The following SLC15A4 variants were observed in gnomAD, a reference collection of about 807,000 sequenced individuals.
SLC15A4 encodes the protein solute carrier family 15 member 4, also known as hPHT1.
Under a neutral mutation model 46.1 loss-of-function variants are expected in SLC15A4, and 26 were observed. The ratio of observed to expected loss-of-function variants is 0.56; its 90% CI spans 0.41 to 0.78. SLC15A4 has a LOEUF of 0.78. Among genes scored for constraint, SLC15A4 ranks in the 30% least tolerant of loss-of-function variants. SLC15A4 has a pLI of 0.00. For missense variants in SLC15A4, 751 were observed against 755.7 expected (o/e 0.99, Z 0.07); for synonymous variants, 370 against 333.4 (o/e 1.11, Z -1.20).
intron 5 of SLC15A4, among the ~76,000 whole-genome samples, chr12:128,807,282 A>G (rs1255633226): frequency 6.6e-6 from 1 of 152,182 alleles, no homozygotes; most frequent in Non-Finnish European, 1.5e-5. Flanking sequence ...TGTATCCTGC[A>G]CAAACACATA....
chr12:128,797,160 C>G (rs1955455471), intron 7 of SLC15A4, among the ~76,000 whole-genome samples: 1 of 152,278 alleles, frequency 6.6e-6, no homozygotes, highest in South Asian at 2.1e-4. Context: ...CCCAGGCTCA[C>G]AGGCAGGGCA....
At chr12:128,822,544 TA>T (rs1955860721) in intron 1 of SLC15A4, among the ~76,000 whole-genome samples, 1 of 152,150 alleles carries the variant, frequency 6.6e-6, no homozygotes, top group African/African-American at 2.4e-5. Flanking sequence ...ATTTATTTTT[TA>T]TTTATTTATT....
At chr12:128,820,640 CCGTA>C (rs1381033024) in intron 1 of SLC15A4, among the ~76,000 whole-genome samples, 2 of 122,336 alleles carry the variant, frequency 1.6e-5, no homozygotes. Flanking sequence ...AAAATGGGCA[CCGTA>C]CGTGTCATGT....
chr12:128,823,648 C>T lies in SLC15A4; in HGVS notation c.296G>A (p.Arg99Gln), dbSNP rs1191852269. 18 of 1,489,280 alleles carry T rather than the reference C, an allele frequency of 1.2e-5. No homozygotes were observed. Among genetic ancestry groups the T allele is most frequent in the Non-Finnish European group, 1.6e-5 (18 of 1,124,642 alleles). 92.3% of individuals were successfully genotyped at this position (1,489,280 alleles called of 1,614,324 possible). A position where few individuals can be genotyped will look rare whatever the true frequency, so the allele number is the denominator to read the frequency against. The change falls in exon 1 of 8, where the codon CGG becomes CAG. Residue 99 changes from arginine (R) to glutamine (Q), a missense_variant. Coordinates refer to ENST00000266771, the MANE Select transcript of SLC15A4 (RefSeq NM_145648.4). Reference protein sequence around the residue: ...SPFGGWLADARLGRARAILLS... With the variant: ...SPFGGWLADAQLGRARAILLS... Reference sequence around the variant, plus strand: ...CAGGATGGCGCGCGCCCGGCCCAGCCGCGCGTCGGCCAGCCAGCCTCCGAA... The same window carrying T: ...CAGGATGGCGCGCGCCCGGCCCAGCTGCGCGTCGGCCAGCCAGCCTCCGAA...
chr12:128,823,487 A>C lies in SLC15A4; in HGVS notation c.457T>G (p.Cys153Gly). The change falls in exon 1 of 8, where the codon TGC becomes GGC. Residue 153 changes from cysteine (C) to glycine (G), a missense_variant. Cys to Gly is a radical substitution (Grantham distance 159). Coordinates refer to ENST00000266771, the MANE Select transcript of SLC15A4 (RefSeq NM_145648.4). ...AGCCCCGCGAAGGTGGCCGGTGAGC[A>C]GCAGCGGGCGGCGGCGTCGGGACCA... is the stretch of plus-strand genomic sequence containing the variant. Reference protein sequence around the residue: ...APGPDAAARCCSPATFAGLVL... With the variant: ...APGPDAAARCGSPATFAGLVL... 6.7e-7 allele frequency: 1 copy of C among 1,485,352 alleles called. No individual in the cohort carries two copies. The highest frequency in any genetic ancestry group is 8.9e-7 in the Non-Finnish European group (1 of 1,124,908). 92.0% of individuals were successfully genotyped at this position (1,485,352 alleles called of 1,614,324 possible).
At chr12:128,823,130 GC>G (rs1172995601) in intron 1 of SLC15A4, among the ~76,000 whole-genome samples, 1 of 152,200 alleles carries the variant, frequency 6.6e-6, no homozygotes, top group Non-Finnish European at 1.5e-5. Flanking sequence ...GAGCCACCGC[GC>G]CCGGCCTCTC....
intron 7 of SLC15A4, among the ~76,000 whole-genome samples, chr12:128,796,637 C>T (rs139212514): frequency 1.9e-3 from 295 of 152,280 alleles, no homozygotes; most frequent in African/African-American, 6.2e-3. Flanking sequence ...TCAACCCTTA[C>T]GACCTACCAG....
intron 2 of SLC15A4, 149 bp downstream of exon 2, chr12:128,814,626 G>A: frequency 1.3e-6 from 1 of 786,524 alleles, no homozygotes; most frequent in Non-Finnish European, 2.0e-6. Context: ...GCCTCCTTGG[G>A]GAAATGCAGT....
rs576485847 is a variant in SLC15A4, at chr12:128,795,524, G to A, written c.1574-1168C>T. ...TCATCTGTAAAATGGGGAAAGCGCCGAGGAGCAGCATTTCAGAAAGGCACT... is the reference window on the plus strand; with the variant it reads ...TCATCTGTAAAATGGGGAAAGCGCCAAGGAGCAGCATTTCAGAAAGGCACT... On this transcript the variant is annotated intron_variant, in intron 7 of 7. Coordinates refer to ENST00000266771, the MANE Select transcript of SLC15A4 (RefSeq NM_145648.4). 9.2e-5 allele frequency among the ~76,000 whole-genome samples: 14 copies of A among 152,290 alleles called. No individual in the cohort carries two copies. The East Asian group carries it at 9.6e-4, about 10-fold the overall frequency.
chr12:128,803,782 G>A (rs1010968889), intron 5 of SLC15A4, among the ~76,000 whole-genome samples: 8 of 152,162 alleles, frequency 5.3e-5, no homozygotes, highest in African/African-American at 1.7e-4. Flanking sequence ...GCCCCAGACC[G>A]ACTTCATGAC....
intron 1 of SLC15A4, among the ~76,000 whole-genome samples, chr12:128,820,920 T>C (rs931105912): frequency 2.0e-5 from 3 of 152,118 alleles, no homozygotes; most frequent in Non-Finnish European, 4.4e-5. Flanking sequence ...GGGCCTAGTG[T>C]TTGGGTCATG....
In SLC15A4 at chr12:128,809,011, G is replaced by T. The variant is rs575412524; in HGVS notation, c.1090-55C>A. The T allele has an allele frequency of 2.2e-4, 339 of 1,541,298 alleles. 2 individuals carry two copies. In the South Asian group the frequency reaches 3.9e-3, roughly 18 times the overall value. ...CTCCCCGCAATACAGGCCATCACCT[G>T]TCTAGAGAACCAACGTCTCAATGGG... On this transcript the variant is annotated intron_variant, in intron 4 of 7. Coordinates refer to ENST00000266771, the MANE Select transcript of SLC15A4 (RefSeq NM_145648.4).
Position 128,796,138 on chromosome 12 carries a change from G to A in SLC15A4, c.1574-1782C>T, listed in dbSNP as rs571753764. Among the ~76,000 whole-genome samples the A allele has an allele frequency of 2.3e-3, 344 of 152,126 alleles. 1 individual carries two copies. Among genetic ancestry groups the A allele is most frequent in the Admixed American group, 4.5e-3 (69 of 15,280 alleles). ...ATCAAATAAACACAATATAATACAC[G>A]TCTGGGCCAGGCGCAGTGGCTTATG... On this transcript the variant is annotated intron_variant, in intron 7 of 7. Coordinates refer to ENST00000266771, the MANE Select transcript of SLC15A4 (RefSeq NM_145648.4).
chr12:128,817,666 CCTTAAAATG>C (rs985261652), intron 1 of SLC15A4, among the ~76,000 whole-genome samples: 3 of 152,218 alleles, frequency 2.0e-5, no homozygotes, highest in African/African-American at 7.2e-5. Flanking sequence ...AAAATCCTAA[CCTTAAAATG>C]CCATTCATCC....
chr12:128,809,533 C>T lies in SLC15A4; in HGVS notation c.1012-60G>A, dbSNP rs74954193. The T allele has an allele frequency of 8.9e-4, 915 of 1,025,366 alleles. 8 individuals carry two copies. The African/African-American group carries it at 0.013, about 14-fold the overall frequency. 63.5% of individuals were successfully genotyped at this position (1,025,366 alleles called of 1,614,324 possible). On this transcript the variant is annotated intron_variant, in intron 3 of 7. Transcript: ENST00000266771. ...CAACTGTGCTCTCAAACACTCTAAG[C>T]ATCCTGCCCCTCCCCTAAGCTAGAC...
intron 5 of SLC15A4, among the ~76,000 whole-genome samples, chr12:128,807,289 CAT>C (rs1955601301): frequency 6.6e-6 from 1 of 152,188 alleles, no homozygotes; most frequent in East Asian, 1.9e-4. Flanking sequence ...TGCACAAACA[CAT>C]ATCGAAACCA....
rs937921966 is a variant in SLC15A4, at chr12:128,793,489, C to T, written c.*707G>A. The T allele has an allele frequency of 3.9e-5, 6 of 152,150 alleles. No individual in the cohort carries two copies. The highest frequency in any genetic ancestry group is 1.4e-4 in the African/African-American group (6 of 41,426). The allele number at this position is 152,150 out of a possible 1,614,324, so 9.4% of individuals were successfully genotyped here. The stretch of plus-strand genomic sequence containing the variant: ...TGACTAGGTAAGGTGTGAAGTACCC[C>T]GTGAGTTGCTCTGTGGCTTGAGATG... On this transcript the variant is annotated 3_prime_UTR_variant, in exon 8 of 8. Transcript: ENST00000266771.
In SLC15A4 at chr12:128,823,776, GGACGT is replaced by G; in HGVS notation, c.163_167del (p.Thr55GlnfsTer128). The G allele has an allele frequency of 1.3e-6, 2 of 1,523,804 alleles. No individual in the cohort carries two copies. The highest frequency in any genetic ancestry group is 2.4e-5 in the South Asian group (2 of 83,000). The allele number at this position is 1,523,804 out of a possible 1,614,324, so 94.4% of individuals were successfully genotyped here. ...CCCCGTTCAGGAATAGCACCAGGTT[GGACGT>G]GATGCCGTAGAAAGCGGCGCGCTCC... On this transcript the variant is annotated frameshift_variant, in exon 1 of 8. Coordinates refer to ENST00000266771, the MANE Select transcript of SLC15A4 (RefSeq NM_145648.4). LOFTEE classifies it high-confidence loss of function.
intron 1 of SLC15A4, chr12:128,815,654 TG>T (rs1251802472): frequency 6.4e-6 from 1 of 155,448 alleles, no homozygotes. Context: ...CCACTGTACC[TG>T]GTTGACAAGA....
Sources: allele counts gnomAD v4.1 joint callset (sites outside exome capture counted in the v4.1 genomes callset), GRCh38; gene constraint gnomAD v4.1.1; transcripts MANE v1.5; gene names NCBI Gene and HGNC (gene_info 2026-07-23, HGNC 2026-07-21).